Variants in BIRC6 observed in about 807,000 individuals in gnomAD.
BIRC6 encodes the protein baculoviral IAP repeat containing 6.
Under a neutral mutation model 503.3 loss-of-function variants are expected in BIRC6, and 98 were observed. That is an observed-to-expected ratio of 0.19 (90% CI 0.17 to 0.23). The LOEUF is 0.23. Ranked by LOEUF, BIRC6 falls within the 10% of genes least tolerant of loss-of-function variation. The probability of loss-of-function intolerance (pLI) is 1.00; values close to 1 mark genes in which losing one functional copy is unlikely to be tolerated. For missense variants in BIRC6, 5,360 were observed against 5,806.0 expected (o/e 0.92, Z 2.50); for synonymous variants, 2,240 against 2,078.7 (o/e 1.08, Z -2.11).
intron 10 of BIRC6, among the ~76,000 whole-genome samples, chr2:32,420,056 G>A (rs2042774024): frequency 6.6e-6 from 1 of 152,162 alleles, no homozygotes; most frequent in Admixed American, 6.5e-5. Flanking sequence ...AACCCATTTG[G>A]TCATAATGCA....
chr2:32,561,166 G>A (rs2059151720), intron 65 of BIRC6, among the ~76,000 whole-genome samples: 1 of 150,344 alleles, frequency 6.7e-6, no homozygotes, highest in African/African-American at 2.5e-5. Flanking sequence ...CCATTGCACT[G>A]CAGCCTGGGT....
chr2:32,387,761 A>T (rs1222444848), intron 3 of BIRC6, among the ~76,000 whole-genome samples: 4 of 152,148 alleles, frequency 2.6e-5, no homozygotes, highest in African/African-American at 7.2e-5. Flanking sequence ...TTGAGTGCCT[A>T]CTCTGTGCTT....
chr2:32,394,943 G>A (rs916615249), intron 5 of BIRC6, among the ~76,000 whole-genome samples: 2 of 152,184 alleles, frequency 1.3e-5, no homozygotes, highest in Non-Finnish European at 2.9e-5. Flanking sequence ...AGGATCAGGA[G>A]ATTGAGACCA....
At chr2:32,463,150 C>T in intron 23 of BIRC6, 44 bp from the exon 24 acceptor site, 10 of 1,488,454 alleles carry the variant, frequency 6.7e-6, no homozygotes, top group Non-Finnish European at 9.1e-6. Context: ...TTTTCTTCAT[C>T]CTGGTGTTTT....
intron 53 of BIRC6, 47 bp downstream of exon 53, chr2:32,510,681 C>A: frequency 1.6e-6 from 2 of 1,216,910 alleles, no homozygotes; most frequent in South Asian, 1.2e-5. Context: ...TGCACATAAT[C>A]ATGCTATAGT....
At chr2:32,361,259 G>T (rs1015728014) in intron 1 of BIRC6, among the ~76,000 whole-genome samples, 1 of 152,034 alleles carries the variant, frequency 6.6e-6, no homozygotes, top group African/African-American at 2.4e-5. Flanking sequence ...ATAAACTCGA[G>T]TATTTTTGAT....
chr2:32,388,948 G>A lies in BIRC6; in HGVS notation c.839+5G>A. 1 of 1,446,302 alleles carries A rather than the reference G, an allele frequency of 6.9e-7. No homozygotes were observed. The highest frequency in any genetic ancestry group is 2.4e-5 in the Admixed American group (1 of 41,026). 89.6% of individuals were successfully genotyped at this position (1,446,302 alleles called of 1,614,324 possible). ...GCCAGGCCGTTCTGTAGACAGGTAT[G>A]AACCTTGCTAACAAAGGTGACAGTG... is the stretch of plus-strand genomic sequence containing the variant. On this transcript the variant is annotated splice_donor_5th_base_variant and intron_variant, in intron 4 of 73. Transcript: ENST00000421745.
intron 36 of BIRC6, among the ~76,000 whole-genome samples, 198 bp from the exon 37 acceptor site, chr2:32,479,264 A>G (rs1337912559): frequency 6.6e-6 from 1 of 152,224 alleles, no homozygotes; most frequent in Non-Finnish European, 1.5e-5. Context: ...TTTACTGGAT[A>G]CTTGTCTCTA....
At chr2:32,566,338 CTGCAGCT>C (rs1573050854) in intron 65 of BIRC6, 1 of 152,176 alleles carries the variant, frequency 6.6e-6, no homozygotes, top group East Asian at 1.9e-4. Flanking sequence ...TCATGACTAA[CTGCAGCT>C]TCCCATGCCC....
Position 32,430,960 on chromosome 2 carries a change from G to A in BIRC6, c.3118G>A (p.Ala1040Thr). ...TGAGACTTTGACTCCAAGGTTTTCA[G>A]CGACTGTTCCTCCATGCTGGGTAGA... is the stretch of plus-strand genomic sequence containing the variant. ...RFETLTPRFS[A>T]TVPPCWVEVQ... Residue 1040 changes from alanine to threonine, a missense_variant, in exon 12 of 74, where the codon GCG becomes ACG. Coordinates refer to ENST00000421745, the MANE Select transcript of BIRC6 (RefSeq NM_016252.4). 6.2e-7 allele frequency: 1 copy of A among 1,613,298 alleles called. No homozygotes were observed. Among genetic ancestry groups the A allele is most frequent in the East Asian group, 2.2e-5 (1 of 44,848 alleles).
chr2:32,545,740 T>C lies in BIRC6; in HGVS notation c.12690T>C (p.Asp4230=). The change falls in exon 63 of 74, where the codon GAT becomes GAC. Residue 4230 remains aspartate, a synonymous_variant. Transcript: ENST00000421745. The stretch of plus-strand genomic sequence containing the variant: ...GCACTACACCTTTGACAACTGATGA[T>C]GGTGTACTTCTAAGGCGGATGGCAT... ...LFSTTPLTTD[D]GVLLRRMALE... The C allele has an allele frequency of 6.2e-7, 1 of 1,613,858 alleles. No homozygotes were observed. Among genetic ancestry groups the C allele is most frequent in the Non-Finnish European group, 8.5e-7 (1 of 1,179,772 alleles).
chr2:32,404,028 A>G (rs373901045), intron 8 of BIRC6, among the ~76,000 whole-genome samples: 1 of 151,654 alleles, frequency 6.6e-6, no homozygotes, highest in African/African-American at 2.4e-5. Context: ...CCCAGGTTCA[A>G]ATGATTTTTC....
rs769675695 is a variant in BIRC6, at chr2:32,415,794, C to T, written c.2503C>T (p.Arg835Trp). 7.7e-5 allele frequency: 125 copies of T among 1,613,494 alleles called. No individual in the cohort carries two copies. The highest frequency in any genetic ancestry group is 1.0e-4 in the Admixed American group (6 of 59,972). ...GCTTTATAAAATGAATTATGCCACT[C>T]GGATAGTGACTTTAGAAGAGGAGCC... ...LVLYKMNYAT[R>W]IVTLEEEPIK... The change falls in exon 10 of 74, where the codon CGG becomes TGG. Residue 835 changes from arginine (R) to tryptophan (W), a missense_variant. Coordinates refer to ENST00000421745, the MANE Select transcript of BIRC6 (RefSeq NM_016252.4).
intron 59 of BIRC6, chr2:32,527,007 G>A (rs938631594): frequency 6.6e-6 from 1 of 152,212 alleles, no homozygotes; most frequent in African/African-American, 2.4e-5. Flanking sequence ...GTCTCAAAAA[G>A]ACACTGGGCT....
At chr2:32,490,496 C>A (rs551486838) in intron 43 of BIRC6, among the ~76,000 whole-genome samples, 6 of 152,318 alleles carry the variant, frequency 3.9e-5, no homozygotes, top group African/African-American at 9.6e-5. Flanking sequence ...GATCACGCCA[C>A]TGCACACCAG....
rs551344454 is a variant in BIRC6 at position 32,528,024 on chromosome 2, A to T, written c.11921-1627A>T. 2.0e-5 allele frequency: 3 copies of T among 152,350 alleles called. No individual in the cohort carries two copies. The South Asian group carries it at 6.2e-4, about 32-fold the overall frequency. 9.4% of individuals were successfully genotyped at this position (152,350 alleles called of 1,614,324 possible). Reference sequence around the variant, plus strand: ...TTCTGAGCTAAAAACCATGTTAATGAGGCAGATGACTCCACAAGAACCATT... The same window carrying T: ...TTCTGAGCTAAAAACCATGTTAATGTGGCAGATGACTCCACAAGAACCATT... On this transcript the variant is annotated intron_variant, in intron 59 of 73. Transcript: ENST00000421745.
At chr2:32,543,835 T>G (rs1227228247) in intron 62 of BIRC6, among the ~76,000 whole-genome samples, 1 of 152,178 alleles carries the variant, frequency 6.6e-6, no homozygotes, top group African/African-American at 2.4e-5. Flanking sequence ...TAGCTAATGT[T>G]CTCCAGTAAT....
At chr2:32,499,160 T>C (rs1294482787) in intron 45 of BIRC6, among the ~76,000 whole-genome samples, 2 of 152,248 alleles carry the variant, frequency 1.3e-5, no homozygotes, top group African/African-American at 4.8e-5. Flanking sequence ...TATGTATCAT[T>C]ATCAGTAGGA....
intron 10 of BIRC6, among the ~76,000 whole-genome samples, chr2:32,427,430 C>T (rs759987171): frequency 1.1e-4 from 16 of 151,904 alleles, no homozygotes; most frequent in Non-Finnish European, 1.6e-4. Context: ...GGATTACAGG[C>T]GCCTGCCACC....
Sources: gnomAD v4.1 joint callset for allele counts (sites outside exome capture counted in the v4.1 genomes callset) on GRCh38, gnomAD v4.1.1 for gene constraint, MANE v1.5 for transcripts, NCBI Gene and HGNC (gene_info 2026-07-23, HGNC 2026-07-21) for gene names.